IL1RAPL2: variants seen among roughly 807,000 people sequenced by gnomAD.
The protein encoded by IL1RAPL2 is interleukin 1 receptor accessory protein like 2, also known as X-linked interleukin-1 receptor accessory protein-like 2.
A neutral mutation model predicts 44.1 loss-of-function variants in IL1RAPL2; 3 were observed. That is an observed-to-expected ratio of 0.07 (90% CI 0.03 to 0.18). The LOEUF (loss-of-function observed/expected upper bound fraction) is 0.18. Among genes scored for constraint, IL1RAPL2 ranks in the 10% least tolerant of loss-of-function variants. The pLI is 1.00. For missense variants in IL1RAPL2, 391 were observed against 496.4 expected, an observed-to-expected ratio of 0.79 and a Z score of 2.02; for synonymous variants, 181 against 178.8, an observed-to-expected ratio of 1.01 and a Z score of -0.10.
At chrX:105,217,326 T>C (rs148854793) in intron 3 of IL1RAPL2, among the ~76,000 whole-genome samples, 1,763 of 111,653 alleles carry the variant, frequency 0.016, 39 homozygotes, top group African/African-American at 0.053. Flanking sequence ...AAGAAGACAT[T>C]TATGCAGCCA....
chrX:105,241,707 G>C (rs782480798), intron 4 of IL1RAPL2, among the ~76,000 whole-genome samples: 1 of 111,645 alleles, frequency 9.0e-6, no homozygotes, highest in Non-Finnish European at 1.9e-5. Flanking sequence ...CAAAAAAACT[G>C]AACAATACCC....
rs2029932191 is a variant in IL1RAPL2 at position 104,957,944 on chromosome X, T to C, written c.83-237531T>C. On this transcript the variant is annotated intron_variant, in intron 2 of 10. Coordinates refer to ENST00000372582, the MANE Select transcript of IL1RAPL2 (RefSeq NM_017416.2). ...TCTACTAAAAATAAAAATTAAAAAT[T>C]ATCTGGGTGTGCTGGTGCATGCCTG... 3.6e-5 allele frequency among the ~76,000 whole-genome samples: 4 copies of C among 110,607 alleles called. No homozygotes were observed. In the South Asian group the frequency reaches 1.5e-3, roughly 43 times the overall value.
intron 5 of IL1RAPL2, among the ~76,000 whole-genome samples, chrX:105,449,179 T>C (rs773136852): frequency 9.0e-6 from 1 of 111,594 alleles, no homozygotes; most frequent in African/African-American, 3.3e-5. Flanking sequence ...GCTTTTTTTG[T>C]GTCTGTCTTG....
intron 2 of IL1RAPL2, among the ~76,000 whole-genome samples, chrX:105,153,307 C>A (rs1306274773): frequency 8.9e-6 from 1 of 111,907 alleles, no homozygotes; most frequent in African/African-American, 3.2e-5. Context: ...CGTATATAAA[C>A]TTAATTCTGA....
At chrX:105,415,597 T>G (rs1164103281) in intron 5 of IL1RAPL2, among the ~76,000 whole-genome samples, 1 of 111,561 alleles carries the variant, frequency 9.0e-6, no homozygotes, top group Non-Finnish European at 1.9e-5. Flanking sequence ...AATTAGAAAT[T>G]TATTTTTCCC....
At chrX:105,220,163 C>T in intron 3 of IL1RAPL2, 1 of 1,211,792 alleles carries the variant, frequency 8.3e-7, no homozygotes, top group Non-Finnish European at 1.1e-6. Context: ...TGCCTGTGGG[C>T]AAAGCGCACT....
chrX:105,513,499 T>A (rs1186952571), intron 6 of IL1RAPL2, among the ~76,000 whole-genome samples: 1 of 112,162 alleles, frequency 8.9e-6, no homozygotes, highest in African/African-American at 3.2e-5. Flanking sequence ...TAGTTTTGAT[T>A]TGCATTTCTC....
intron 6 of IL1RAPL2, among the ~76,000 whole-genome samples, chrX:105,537,783 G>A (rs1450917152): frequency 9.0e-6 from 1 of 111,013 alleles, no homozygotes; most frequent in African/African-American, 3.3e-5. Flanking sequence ...AGTTTTAAGT[G>A]TTTTCTATCA....
In IL1RAPL2 at chrX:105,297,345, G is replaced by C. The variant is rs1881733451; in HGVS notation, c.697+29804G>C. ...CGGAGTAAAGAGAATGTTATTCTAA[G>C]CACAGTGAAAAGCCACTGGAAGATT... is the stretch of plus-strand genomic sequence containing the variant. On this transcript the variant is annotated intron_variant, in intron 5 of 10. Coordinates refer to ENST00000372582, the MANE Select transcript of IL1RAPL2 (RefSeq NM_017416.2). 6.2e-5 allele frequency among the ~76,000 whole-genome samples: 7 copies of C among 112,084 alleles called. No homozygotes were observed. In the South Asian group the frequency reaches 2.6e-3, roughly 41 times the overall value.
At chrX:104,928,006 A>T (rs936102616) in intron 2 of IL1RAPL2, among the ~76,000 whole-genome samples, 2 of 111,481 alleles carry the variant, frequency 1.8e-5, no homozygotes, top group African/African-American at 6.5e-5. Flanking sequence ...TCAACATTTA[A>T]TTTTTTTATT....
intron 6 of IL1RAPL2, among the ~76,000 whole-genome samples, chrX:105,683,794 T>G (rs1447613045): frequency 1.8e-5 from 2 of 112,346 alleles, no homozygotes; most frequent in African/African-American, 3.2e-5. Context: ...AGTGCATCCT[T>G]GCAATCTAGC....
At chrX:105,264,688 C>G (rs1209531302) in intron 4 of IL1RAPL2, among the ~76,000 whole-genome samples, 4 of 112,025 alleles carry the variant, frequency 3.6e-5, no homozygotes, top group Non-Finnish European at 7.5e-5. Flanking sequence ...ATGAATAAAC[C>G]TGCAAGCCTC....
intron 5 of IL1RAPL2, among the ~76,000 whole-genome samples, chrX:105,378,667 A>G (rs1296264020): frequency 1.8e-5 from 2 of 111,878 alleles, no homozygotes; most frequent in Non-Finnish European, 3.8e-5. Flanking sequence ...TCTGAAACAG[A>G]TTTTGTACCT....
intron 2 of IL1RAPL2, among the ~76,000 whole-genome samples, chrX:105,077,752 C>T (rs961671608): frequency 9.0e-6 from 1 of 111,238 alleles, no homozygotes; most frequent in Non-Finnish European, 1.9e-5. Flanking sequence ...TCTTTTTATT[C>T]TTTTTTTGTC....
At chrX:104,746,581 CTCTG>C (rs1223794005) in intron 2 of IL1RAPL2, among the ~76,000 whole-genome samples, 1 of 111,881 alleles carries the variant, frequency 8.9e-6, no homozygotes, top group Non-Finnish European at 1.9e-5. Context: ...TTTTCTACGT[CTCTG>C]TCTCTTACAA....
At chrX:105,091,699 G>T (rs1213590875) in intron 2 of IL1RAPL2, among the ~76,000 whole-genome samples, 4 of 111,624 alleles carry the variant, frequency 3.6e-5, no homozygotes, top group Admixed American at 2.9e-4. Context: ...TTTTAATTTT[G>T]TATTTTGATA....
chrX:105,078,236 A>G (rs1036498851), intron 2 of IL1RAPL2, among the ~76,000 whole-genome samples: 1 of 111,602 alleles, frequency 9.0e-6, no homozygotes, highest in African/African-American at 3.3e-5. Flanking sequence ...TCTGTTTGTC[A>G]GTTTTCCTTC....
chrX:105,358,898 G>A (rs1016052106), intron 5 of IL1RAPL2, among the ~76,000 whole-genome samples: 3 of 111,555 alleles, frequency 2.7e-5, no homozygotes, highest in African/African-American at 6.5e-5. Flanking sequence ...AGCAGAAGTA[G>A]AAGCTGACCG....
At chrX:105,365,762 T>C (rs2035289156) in intron 5 of IL1RAPL2, among the ~76,000 whole-genome samples, 2 of 110,657 alleles carry the variant, frequency 1.8e-5, no homozygotes, top group African/African-American at 6.6e-5. Flanking sequence ...TTATTTAGGA[T>C]TTTGTTTGTA....
Sources: gnomAD v4.1 joint callset for allele counts (sites outside exome capture counted in the v4.1 genomes callset) on GRCh38, gnomAD v4.1.1 for gene constraint, MANE v1.5 for transcripts, NCBI Gene and HGNC (gene_info 2026-07-23, HGNC 2026-07-21) for gene names.